Variants in TIAM2 observed in about 807,000 individuals in gnomAD.
TIAM2 encodes the protein rho guanine nucleotide exchange factor TIAM2.
In TIAM2, 80 loss-of-function variants were observed where a neutral mutation model predicts 152.9. The ratio of observed to expected loss-of-function variants is 0.52; its 90% CI spans 0.44 to 0.63. The LOEUF (loss-of-function observed/expected upper bound fraction) is 0.63. Ranked by LOEUF, TIAM2 falls within the 30% of genes least tolerant of loss-of-function variation. The probability of loss-of-function intolerance (pLI) is 0.00; values close to 1 mark genes in which losing one functional copy is unlikely to be tolerated. For missense variants in TIAM2, 1,965 were observed against 2,120.1 expected, an observed-to-expected ratio of 0.93 and a Z score of 1.44; for synonymous variants, 804 against 838.0, an observed-to-expected ratio of 0.96 and a Z score of 0.70.
intron 19 of TIAM2, among the ~76,000 whole-genome samples, chr6:155,247,351 T>TG (rs1783393299): frequency 6.6e-6 from 1 of 152,168 alleles, no homozygotes; most frequent in Non-Finnish European, 1.5e-5. Flanking sequence ...TTTTTTGAGA[T>TG]GGAGTCTCAC....
chr6:155,021,354 C>G (rs1284781363), intron 1 of TIAM2, among the ~76,000 whole-genome samples: 1 of 152,004 alleles, frequency 6.6e-6, no homozygotes, highest in Admixed American at 6.6e-5. Context: ...CTCTGCCTCC[C>G]GGGTTAAATC....
At chr6:154,997,629 A>ATTTTTTTTTTTTT (rs57280691) in intron 1 of TIAM2, among the ~76,000 whole-genome samples, 1 of 62,082 alleles carries the variant, frequency 1.6e-5, no homozygotes, top group Non-Finnish European at 2.9e-5. Flanking sequence ...GAAAGAATGG[A>ATTTTTTTTTTTTT]TTTTTTTTTT....
intron 15 of TIAM2, among the ~76,000 whole-genome samples, chr6:155,236,750 A>G (rs1782781357): frequency 6.6e-6 from 1 of 152,198 alleles, no homozygotes; most frequent in South Asian, 2.1e-4. Context: ...TGTTTTTAAA[A>G]TCATCAGATC....
Position 155,186,806 on chromosome 6 carries a change from T to C in TIAM2, c.3064+3306T>C, listed in dbSNP as rs1214982280. 6.6e-6 allele frequency among the ~76,000 whole-genome samples: 1 copy of C among 152,210 alleles called. No individual in the cohort carries two copies. Among genetic ancestry groups the C allele is most frequent in the Non-Finnish European group, 1.5e-5 (1 of 68,038 alleles). On this transcript the variant is annotated intron_variant, in intron 14 of 26. Coordinates refer to ENST00000682666, the MANE Select transcript of TIAM2 (RefSeq NM_012454.4). The surrounding 1 kb of genome is among the most constrained non-coding windows in gnomAD (Gnocchi z 4.5). ...TACGGAAATCAAAAATTTAAATGAC[T>C]TTGAAAAACAGTTTTTAATACAACT... is the stretch of plus-strand genomic sequence containing the variant.
At chr6:155,104,544 T>C (rs1285730658) in intron 2 of TIAM2, among the ~76,000 whole-genome samples, 1 of 151,960 alleles carries the variant, frequency 6.6e-6, no homozygotes, top group Non-Finnish European at 1.5e-5. Flanking sequence ...GATCATGAGG[T>C]CAGGAGATCG....
At chr6:155,196,444 G>T (rs1456440941) in intron 14 of TIAM2, among the ~76,000 whole-genome samples, 7 of 152,110 alleles carry the variant, frequency 4.6e-5, no homozygotes, top group Non-Finnish European at 8.8e-5. Flanking sequence ...AAGAGAAAGG[G>T]GGGAAATTTT....
intron 1 of TIAM2, among the ~76,000 whole-genome samples, chr6:155,039,955 T>C (rs912640139): frequency 6.6e-6 from 1 of 152,224 alleles, no homozygotes; most frequent in Non-Finnish European, 1.5e-5. Context: ...ATAGTTCCTG[T>C]TTAATGTAAC....
chr6:155,055,174 G>A (rs746925975), intron 1 of TIAM2, among the ~76,000 whole-genome samples: 5 of 152,102 alleles, frequency 3.3e-5, no homozygotes, highest in Non-Finnish European at 4.4e-5. Context: ...AGCAAGAAGC[G>A]TGGGTGTCTT....
intron 1 of TIAM2, among the ~76,000 whole-genome samples, chr6:155,006,588 C>G (rs1778405785): frequency 6.6e-6 from 1 of 151,192 alleles, no homozygotes; most frequent in Non-Finnish European, 1.5e-5. Context: ...ATCTCTTGAA[C>G]CCTGGAGGCG....
intron 23 of TIAM2, 39 bp downstream of exon 23, chr6:155,252,042 A>G (rs763823343): frequency 1.3e-6 from 2 of 1,509,402 alleles, no homozygotes; most frequent in Non-Finnish European, 1.8e-6. Context: ...CTACCTTTTC[A>G]TAGCTGTATC....
intron 5 of TIAM2, among the ~76,000 whole-genome samples, chr6:155,139,720 T>A (rs1779646235): frequency 6.6e-6 from 1 of 151,996 alleles, no homozygotes; most frequent in Non-Finnish European, 1.5e-5. Context: ...CGGGTGGATC[T>A]CCTGAGGTTA....
At chr6:155,165,236 T>A in intron 8 of TIAM2, 27 bp from the exon 9 acceptor site, 2 of 1,585,228 alleles carry the variant, frequency 1.3e-6, no homozygotes, top group Non-Finnish European at 1.7e-6. Flanking sequence ...AGCCTTTAGA[T>A]TTTTTTTAAA....
intron 15 of TIAM2, among the ~76,000 whole-genome samples, chr6:155,221,145 A>G (rs1381511628): frequency 6.6e-6 from 1 of 151,682 alleles, no homozygotes; most frequent in Non-Finnish European, 1.5e-5. Flanking sequence ...AAAAACAAAA[A>G]AAAACACAAG....
intron 15 of TIAM2, among the ~76,000 whole-genome samples, chr6:155,220,848 G>A (rs1056814114): frequency 1.3e-5 from 2 of 151,912 alleles, no homozygotes; most frequent in Non-Finnish European, 2.9e-5. Flanking sequence ...CATGTGCCAC[G>A]CTGGTTTGCT....
intron 22 of TIAM2, among the ~76,000 whole-genome samples, chr6:155,251,222 C>T (rs1172482679): frequency 6.6e-6 from 1 of 152,218 alleles, no homozygotes; most frequent in Non-Finnish European, 1.5e-5. Context: ...CTCCCTTCTG[C>T]TGCTTGGCTC....
At position 155,140,556 on chromosome 6, in the gene TIAM2, A is replaced by G. The variant is rs866161190; in HGVS notation, c.1630+2944A>G. 8.0e-3 allele frequency among the ~76,000 whole-genome samples: 963 copies of G among 120,018 alleles called. 16 individuals carry two copies. The highest frequency in any genetic ancestry group is 0.024 in the African/African-American group (730 of 30,496). 78.7% of individuals were successfully genotyped at this position (120,018 alleles called of 152,430 possible). ...TGGGAGGCAGGGTGACTGTGTGTGT[A>G]TGTGTGTGTGTGTGTGTGAGAGAGA... On this transcript the variant is annotated intron_variant, in intron 5 of 26. Transcript: ENST00000682666.
At chr6:155,094,972 C>A (rs527709295) in intron 2 of TIAM2, among the ~76,000 whole-genome samples, 12 of 151,984 alleles carry the variant, frequency 7.9e-5, no homozygotes, top group Non-Finnish European at 1.6e-4. Flanking sequence ...AGATGTGACT[C>A]ATTTCCTCCC....
intron 6 of TIAM2, among the ~76,000 whole-genome samples, chr6:155,146,063 A>G (rs927019191): frequency 1.3e-5 from 2 of 152,206 alleles, no homozygotes; most frequent in African/African-American, 4.8e-5. Context: ...GTGTGAAATG[A>G]ATGTTTTATT....
rs1364878769 is a variant in TIAM2, at chr6:155,067,772, A to G, written c.-208-22517A>G. Among the ~76,000 whole-genome samples the G allele has an allele frequency of 2.6e-5, 4 of 151,956 alleles. No homozygotes were observed. In the East Asian group the frequency reaches 5.8e-4, roughly 22 times the overall value. Reference sequence around the variant, plus strand: ...CCTCCCACCTCTTAGCCTCCCAAGTACTGGGACTACAGGTATGCACCACCA... The same window carrying G: ...CCTCCCACCTCTTAGCCTCCCAAGTGCTGGGACTACAGGTATGCACCACCA... On this transcript the variant is annotated intron_variant, in intron 1 of 26. Coordinates refer to ENST00000682666, the MANE Select transcript of TIAM2 (RefSeq NM_012454.4).
Sources: gnomAD v4.1 joint callset for allele counts (sites outside exome capture counted in the v4.1 genomes callset) on GRCh38, gnomAD v4.1.1 for gene constraint, Gnocchi (gnomAD v3.1) non-coding constraint, MANE v1.5 for transcripts, NCBI Gene and HGNC (gene_info 2026-07-23, HGNC 2026-07-21) for gene names.